Variants in DMD observed in about 807,000 individuals in gnomAD.
DMD encodes the protein dystrophin.
Under a neutral mutation model 330.1 loss-of-function variants are expected in DMD, and 63 were observed. That is an observed-to-expected ratio of 0.19 (90% CI 0.16 to 0.24). The LOEUF is 0.24. DMD is among the 10% of genes least tolerant of loss of function. The pLI, the probability that DMD is intolerant of heterozygous loss-of-function variation, is 1.00. For missense variants in DMD, 3,344 were observed against 2,684.1 expected (o/e 1.25, Z -5.43); for synonymous variants, 1,223 against 959.8 (o/e 1.27, Z -5.07).
Position 33,100,419 on chromosome X carries a change from C to T in DMD, c.32-80219G>A, listed in dbSNP as rs553533319. 5.4e-5 allele frequency among the ~76,000 whole-genome samples: 6 copies of T among 111,601 alleles called. No homozygotes were observed. The South Asian group carries it at 1.1e-3, about 21-fold the overall frequency. Reference sequence around the variant, plus strand: ...AAGATGGAAACGATGAAGCCGGGCACGGTGGCTCACGCTTGTAATCCCAGC... The same window carrying T: ...AAGATGGAAACGATGAAGCCGGGCATGGTGGCTCACGCTTGTAATCCCAGC... On this transcript the variant is annotated intron_variant, in intron 1 of 78. Transcript: ENST00000357033.
intron 44 of DMD, among the ~76,000 whole-genome samples, chrX:32,171,564 A>G (rs896953713): frequency 1.8e-5 from 2 of 111,886 alleles, no homozygotes; most frequent in African/African-American, 6.5e-5. Flanking sequence ...TGTTGAACTC[A>G]TATAACAGTG....
At chrX:32,298,980 G>T (rs1010719275) in intron 42 of DMD, among the ~76,000 whole-genome samples, 1 of 111,217 alleles carries the variant, frequency 9.0e-6, no homozygotes, top group Non-Finnish European at 1.9e-5. Flanking sequence ...CTGTTGCCAT[G>T]GTGGGATTAT....
At chrX:32,557,294 GT>G (rs2050411911) in intron 16 of DMD, among the ~76,000 whole-genome samples, 1 of 111,446 alleles carries the variant, frequency 9.0e-6, no homozygotes, top group Non-Finnish European at 1.9e-5. Context: ...CTTTTAAGGG[GT>G]GTGTATTTGT....
intron 57 of DMD, among the ~76,000 whole-genome samples, chrX:31,491,242 G>A (rs1186595086): frequency 8.9e-6 from 1 of 112,146 alleles, no homozygotes; most frequent in Non-Finnish European, 1.9e-5. Flanking sequence ...TTTGGGGTAG[G>A]AGGAAGGGAG....
chrX:32,335,897 T>C (rs1384914281), intron 41 of DMD, among the ~76,000 whole-genome samples: 1 of 105,741 alleles, frequency 9.5e-6, no homozygotes, highest in African/African-American at 3.5e-5. Context: ...TATAACATGT[T>C]ATACATATAA....
chrX:32,453,250 T>G (rs1423137879), intron 26 of DMD, among the ~76,000 whole-genome samples: 1 of 110,847 alleles, frequency 9.0e-6, no homozygotes, highest in African/African-American at 3.3e-5. Flanking sequence ...CCCTCTATAT[T>G]CAGTAGCCAG....
intron 1 of DMD, among the ~76,000 whole-genome samples, chrX:33,228,541 T>C (rs768350063): frequency 2.5e-4 from 27 of 109,736 alleles, no homozygotes; most frequent in Non-Finnish European, 2.7e-4. Context: ...AACGGGGAAA[T>C]CTGAGAGTAC....
At chrX:33,311,122 C>T (rs752117677) in intron 1 of DMD, among the ~76,000 whole-genome samples, 10 of 109,629 alleles carry the variant, frequency 9.1e-5, no homozygotes, top group Admixed American at 2.0e-4. Context: ...CATATATATG[C>T]ATATATACAT....
intron 4 of DMD, among the ~76,000 whole-genome samples, chrX:32,835,384 A>C (rs1218064653): frequency 8.9e-6 from 1 of 112,741 alleles, no homozygotes; most frequent in Non-Finnish European, 1.9e-5. Flanking sequence ...ACCACTTAGT[A>C]GCATAGTCTC....
At chrX:32,777,677 T>G in intron 7 of DMD, among the ~76,000 whole-genome samples, 1 of 112,110 alleles carries the variant, frequency 8.9e-6, no homozygotes, top group Non-Finnish European at 1.9e-5. Flanking sequence ...CCAATTGGTA[T>G]TTAGACATGT....
chrX:31,492,717 C>T (rs970481180), intron 57 of DMD, among the ~76,000 whole-genome samples: 4 of 111,178 alleles, frequency 3.6e-5, no homozygotes, highest in Non-Finnish European at 5.7e-5. Context: ...GAGATCATGT[C>T]CTTTGCAGGG....
At chrX:31,640,421 G>A (rs1172166822) in intron 54 of DMD, among the ~76,000 whole-genome samples, 1 of 112,466 alleles carries the variant, frequency 8.9e-6, no homozygotes, top group African/African-American at 3.2e-5. Context: ...GAATGACAAC[G>A]AGGAAGCTTT....
intron 44 of DMD, among the ~76,000 whole-genome samples, chrX:32,144,273 A>C (rs185629707): frequency 2.7e-5 from 3 of 111,779 alleles, no homozygotes; most frequent in Non-Finnish European, 5.6e-5. Flanking sequence ...TAGTAGAAAA[A>C]TTTAAACTAT....
chrX:32,642,064 A>C (rs1331118577), intron 11 of DMD, among the ~76,000 whole-genome samples: 3 of 111,766 alleles, frequency 2.7e-5, no homozygotes, highest in Non-Finnish European at 3.8e-5. Flanking sequence ...GTTTCCTCTC[A>C]CAAAATCTTT....
chrX:31,287,118 T>C (rs1353902851), intron 62 of DMD, among the ~76,000 whole-genome samples: 1 of 112,464 alleles, frequency 8.9e-6, no homozygotes, highest in African/African-American at 3.2e-5. Context: ...GATGTTTTAG[T>C]ACAAACCACA....
chrX:32,031,688 A>T (rs1000559002), intron 44 of DMD, among the ~76,000 whole-genome samples: 5 of 112,108 alleles, frequency 4.5e-5, no homozygotes, highest in Non-Finnish European at 9.4e-5. Context: ...CATTCCTGGC[A>T]TATTTCTGTT....
At chrX:32,323,905 T>C (rs2097635366) in intron 41 of DMD, among the ~76,000 whole-genome samples, 1 of 111,817 alleles carries the variant, frequency 8.9e-6, no homozygotes, top group Admixed American at 9.5e-5. Flanking sequence ...AAAGATGAAC[T>C]ATCTATCATT....
intron 1 of DMD, among the ~76,000 whole-genome samples, chrX:33,084,482 G>A (rs899276882): frequency 8.9e-6 from 1 of 111,954 alleles, no homozygotes; most frequent in African/African-American, 3.2e-5. Flanking sequence ...GTCGGGGGAA[G>A]CCAGTGAGCC....
At chrX:33,065,137 T>C (rs1474536705) in intron 1 of DMD, among the ~76,000 whole-genome samples, 1 of 111,369 alleles carries the variant, frequency 9.0e-6, no homozygotes, top group Non-Finnish European at 1.9e-5. Context: ...ATGAGGCAAA[T>C]TGGTGTTTAC....
Sources: gnomAD v4.1 joint callset for allele counts (sites outside exome capture counted in the v4.1 genomes callset) on GRCh38, gnomAD v4.1.1 for gene constraint, MANE v1.5 for transcripts, NCBI Gene and HGNC (gene_info 2026-07-23, HGNC 2026-07-21) for gene names.